The following GRK3 variants were observed in gnomAD, a reference collection of about 807,000 sequenced individuals.
GRK3 encodes G protein-coupled receptor kinase 3, also known as adrenergic, beta, receptor kinase 2.
A neutral mutation model predicts 95.7 loss-of-function variants in GRK3; 54 were observed. The ratio of observed to expected loss-of-function variants is 0.56; its 90% CI spans 0.45 to 0.71. The LOEUF is 0.71. GRK3 is among the 30% of genes least tolerant of loss of function. GRK3 has a pLI of 0.00. For synonymous variants in GRK3, 281 were observed against 290.8 expected (o/e 0.97, Z 0.34); for missense variants, 649 against 851.2 (o/e 0.76, Z 2.96).
intron 1 of GRK3, among the ~76,000 whole-genome samples, chr22:25,589,562 G>A (rs113993697): frequency 0.023 from 3,438 of 152,180 alleles, 61 homozygotes; most frequent in Middle Eastern, 0.068. Flanking sequence ...CTCTTATTTT[G>A]GTGAGGAGGA....
chr22:25,622,298 G>A (rs1341541166), intron 2 of GRK3, among the ~76,000 whole-genome samples: 1 of 152,234 alleles, frequency 6.6e-6, no homozygotes, highest in Non-Finnish European at 1.5e-5. Context: ...CTGACCTTGG[G>A]CGGGATGCGG....
intron 8 of GRK3, among the ~76,000 whole-genome samples, chr22:25,676,466 C>A (rs1259176865): frequency 1.3e-5 from 2 of 151,952 alleles, no homozygotes; most frequent in Non-Finnish European, 2.9e-5. Context: ...CTGAGGTGGG[C>A]CGATCACGAG....
chr22:25,575,944 G>C (rs1272650165), intron 1 of GRK3, among the ~76,000 whole-genome samples: 2 of 152,206 alleles, frequency 1.3e-5, no homozygotes, highest in Non-Finnish European at 2.9e-5. Context: ...CACATAATCA[G>C]CCAAGTCTGC....
chr22:25,686,442 A>G (rs1006924374), intron 10 of GRK3, among the ~76,000 whole-genome samples: 2 of 152,090 alleles, frequency 1.3e-5, no homozygotes, highest in Admixed American at 6.6e-5. Flanking sequence ...CTGAAAGGGC[A>G]TAGTGGTAGG....
At chr22:25,578,508 G>T (rs1488590351) in intron 1 of GRK3, among the ~76,000 whole-genome samples, 2 of 152,114 alleles carry the variant, frequency 1.3e-5, no homozygotes, top group Non-Finnish European at 2.9e-5. Context: ...ATGACAAGGG[G>T]GCGTTAGGGG....
At chr22:25,674,106 T>G (rs2085007178) in intron 7 of GRK3, among the ~76,000 whole-genome samples, 1 of 152,196 alleles carries the variant, frequency 6.6e-6, no homozygotes, top group Admixed American at 6.5e-5. Flanking sequence ...TGATTAGACA[T>G]TTCACATTCA....
intron 1 of GRK3, among the ~76,000 whole-genome samples, chr22:25,602,990 C>T (rs1336331268): frequency 6.6e-6 from 1 of 152,220 alleles, no homozygotes; most frequent in Admixed American, 6.5e-5. Flanking sequence ...AATCTTGGGT[C>T]ACTGCAACAT....
chr22:25,673,803 A>G (rs1051267074), intron 7 of GRK3, among the ~76,000 whole-genome samples: 10 of 152,008 alleles, frequency 6.6e-5, no homozygotes, highest in Non-Finnish European at 1.2e-4. Context: ...CATTACTGAG[A>G]TATTATTGAC....
intron 1 of GRK3, among the ~76,000 whole-genome samples, chr22:25,578,211 C>T (rs1931974729): frequency 1.3e-5 from 2 of 151,986 alleles, no homozygotes; most frequent in South Asian, 4.2e-4. Context: ...GCATTTCCAT[C>T]ACATAGGCAC....
chr22:25,602,580 G>T (rs2084416604), intron 1 of GRK3, among the ~76,000 whole-genome samples: 1 of 152,184 alleles, frequency 6.6e-6, no homozygotes, highest in South Asian at 2.1e-4. Flanking sequence ...AGATGGCTGG[G>T]TAAACAAATT....
chr22:25,670,881 CAAAAAAAAAAA>C (rs71191074), intron 6 of GRK3, among the ~76,000 whole-genome samples: 13 of 65,690 alleles, frequency 2.0e-4, no homozygotes, highest in African/African-American at 6.1e-4. Context: ...ACTAAAAATA[CAAAAAAAAAAA>C]AAAAAAAAAA....
At position 25,687,627 on chromosome 22, in the gene GRK3, A is replaced by T; in HGVS notation, c.917A>T (p.Glu306Val). The change falls in exon 11 of 21, where the codon GAA becomes GTA. Residue 306 changes from glutamate to valine, a missense_variant. Coordinates refer to ENST00000324198, the MANE Select transcript of GRK3 (RefSeq NM_005160.4). ...FYATEIILGL[E>V]HMHNRFVVYR... ...GCCACTGAAATCATTCTGGGTCTGG[A>T]ACACATGCACAATCGGTTTGTTGTC... is the stretch of plus-strand genomic sequence containing the variant. The T allele has an allele frequency of 6.2e-7, 1 of 1,614,166 alleles. No homozygotes were observed. The highest frequency in any genetic ancestry group is 8.5e-7 in the Non-Finnish European group (1 of 1,180,012).
chr22:25,608,815 C>T (rs2084472824), intron 2 of GRK3, among the ~76,000 whole-genome samples: 1 of 152,226 alleles, frequency 6.6e-6, no homozygotes, highest in Non-Finnish European at 1.5e-5. Flanking sequence ...GTGGAACCCA[C>T]TCACACTTCT....
rs928274367 is a variant in GRK3, at chr22:25,704,046, G to T, written c.1228-63G>T. The T allele has an allele frequency of 6.6e-6, 8 of 1,211,698 alleles. No individual in the cohort carries two copies. In the Admixed American group the frequency reaches 1.2e-4, roughly 19 times the overall value. The allele number at this position is 1,211,698 out of a possible 1,614,324, so 75.1% of individuals were successfully genotyped here. A position where few individuals can be genotyped will look rare whatever the true frequency, so the allele number is the denominator to read the frequency against. On this transcript the variant is annotated intron_variant, in intron 14 of 20. Transcript: ENST00000324198. ...TATCCCAGTAATAGTCTTTAAGTCT[G>T]GTTGAGTGTTAGGATGCTGTTTCAT... is the stretch of plus-strand genomic sequence containing the variant.
At chr22:25,590,851 T>C (rs1310930859) in intron 1 of GRK3, among the ~76,000 whole-genome samples, 1 of 152,154 alleles carries the variant, frequency 6.6e-6, no homozygotes, top group African/African-American at 2.4e-5. Context: ...TATTGAGGTA[T>C]AATTAACCTA....
intron 11 of GRK3, among the ~76,000 whole-genome samples, chr22:25,687,982 A>G (rs552147503): frequency 5.3e-5 from 8 of 152,312 alleles, no homozygotes; most frequent in Admixed American, 2.0e-4. Context: ...CATGCCTGTA[A>G]TCCCAGCACT....
intron 1 of GRK3, 51 bp downstream of exon 1, chr22:25,565,204 C>G: frequency 1.0e-6 from 1 of 990,706 alleles, no homozygotes; most frequent in Non-Finnish European, 1.4e-6. Context: ...CCCCTGCGGC[C>G]GCCAGCTACC....
chr22:25,718,266 G>GT lies in GRK3; in HGVS notation c.1677dup (p.Ile560TyrfsTer28). 1 of 1,614,160 alleles carries GT rather than the reference G, an allele frequency of 6.2e-7. No individual in the cohort carries two copies. The highest frequency in any genetic ancestry group is 8.5e-7 in the Non-Finnish European group (1 of 1,180,006). ...TCAGATTACGCTCTGGGGAAGGACT[G>GT]TATTATGCACGGGTACATGCTGAAA... On this transcript the variant is annotated frameshift_variant, in exon 19 of 21. Coordinates refer to ENST00000324198, the MANE Select transcript of GRK3 (RefSeq NM_005160.4). LOFTEE classifies it high-confidence loss of function.
intron 18 of GRK3, among the ~76,000 whole-genome samples, chr22:25,715,990 T>C (rs1180868597): frequency 6.6e-6 from 1 of 152,042 alleles, no homozygotes; most frequent in Non-Finnish European, 1.5e-5. Context: ...ATTTGTAAGC[T>C]CTTCTTTTTT....
Sources: allele counts gnomAD v4.1 joint callset (sites outside exome capture counted in the v4.1 genomes callset), GRCh38; gene constraint gnomAD v4.1.1; transcripts MANE v1.5; gene names NCBI Gene and HGNC (gene_info 2026-07-23, HGNC 2026-07-21).